Variants in MDC1 observed in about 807,000 individuals in gnomAD.
MDC1 encodes mediator of DNA damage checkpoint 1, also known as mediator of DNA damage checkpoint protein 1.
Under a neutral mutation model 142.5 loss-of-function variants are expected in MDC1, and 81 were observed. The observed-to-expected ratio is 0.57, with a 90% CI of 0.47 to 0.68. The LOEUF is 0.68. MDC1 is among the 30% of genes least tolerant of loss of function. The pLI is 0.00. For synonymous variants in MDC1, 797 were observed against 968.4 expected (o/e 0.82, Z 3.29); for missense variants, 2,119 against 2,547.9 (o/e 0.83, Z 3.62).
In MDC1 at chr6:30,703,366, C is replaced by A. The variant is rs202076195; in HGVS notation, c.5682+52G>T. 6.2e-7 allele frequency: 1 copy of A among 1,613,028 alleles called. No homozygotes were observed. The highest frequency in any genetic ancestry group is 8.5e-7 in the Non-Finnish European group (1 of 1,179,792). On this transcript the variant is annotated intron_variant, in intron 11 of 14. Coordinates refer to ENST00000376406, the MANE Select transcript of MDC1 (RefSeq NM_014641.3). The surrounding 1 kb of genome is among the most constrained non-coding windows in gnomAD (Gnocchi z 4.4). ...CTCTACAATCCTCTAGGTCTCCTTGCATCCTCCCCTCATCTCTGTCTCCCA... is the reference window on the plus strand; with the variant it reads ...CTCTACAATCCTCTAGGTCTCCTTGAATCCTCCCCTCATCTCTGTCTCCCA...
intron 7 of MDC1, 48 bp downstream of exon 7, chr6:30,711,364 A>G (rs1247017254): frequency 6.5e-7 from 1 of 1,527,614 alleles, no homozygotes; most frequent in Non-Finnish European, 9.1e-7. Context: ...GAGGAAAAAA[A>G]AGAGAATGCA....
At chr6:30,706,157 A>C (rs1773772077) in intron 9 of MDC1, 59 bp from the exon 10 acceptor site, 2 of 1,375,990 alleles carry the variant, frequency 1.5e-6, no homozygotes, top group Non-Finnish European at 2.0e-6. Flanking sequence ...TAGAACTTGG[A>C]TACTGTTCTT....
In MDC1 at chr6:30,715,207, C is replaced by T. The variant is rs1417735889; in HGVS notation, c.-3-29G>A. The T allele has an allele frequency of 8.7e-6, 14 of 1,613,304 alleles. No homozygotes were observed. The highest frequency in any genetic ancestry group is 1.1e-5 in the Non-Finnish European group (13 of 1,179,386). ...GGAAGGATACACATTATCAATTATC[C>T]TCATTATTGGTTCACACAAACAGCA... is the stretch of plus-strand genomic sequence containing the variant. On this transcript the variant is annotated intron_variant, in intron 1 of 14. Coordinates refer to ENST00000376406, the MANE Select transcript of MDC1 (RefSeq NM_014641.3). The surrounding 1 kb of genome is among the most constrained non-coding windows in gnomAD (Gnocchi z 4.1).
In MDC1 at chr6:30,715,009, A is replaced by G; in HGVS notation, c.136+31T>C. 3.7e-6 allele frequency: 6 copies of G among 1,611,802 alleles called. No individual in the cohort carries two copies. The highest frequency in any genetic ancestry group is 5.1e-6 in the Non-Finnish European group (6 of 1,178,038). ...CTTACCACAAAAATAAAAGATCTAT[A>G]TCAATACTTGAACATCCAATACCCT... On this transcript the variant is annotated intron_variant, in intron 2 of 14. Coordinates refer to ENST00000376406, the MANE Select transcript of MDC1 (RefSeq NM_014641.3). The surrounding 1 kb of genome is among the most constrained non-coding windows in gnomAD (Gnocchi z 4.1).
chr6:30,711,830 C>A, intron 5 of MDC1, 44 bp downstream of exon 5: 5 of 1,548,808 alleles, frequency 3.2e-6, no homozygotes, highest in Non-Finnish European at 4.4e-6. Flanking sequence ...GCTGTTAGAA[C>A]CCTGGTTGAT....
At chr6:30,707,339 A>G (rs759850568) in intron 9 of MDC1, 45 bp downstream of exon 9, 2 of 1,557,296 alleles carry the variant, frequency 1.3e-6, no homozygotes, top group South Asian at 2.2e-5. Context: ...TGGAGAAGAT[A>G]TAGAGATGAC....
chr6:30,713,873 C>G lies in MDC1; in HGVS notation c.447G>C (p.Glu149Asp). ...GAGTTTCTCCCTGTACTCTGGGTGT[C>G]TCTTCTACTGTCAGAGGGCCCCGGG... Reference protein sequence around the residue: ...FVSRGPLTVEETPRVQGETQP... With the variant: ...FVSRGPLTVEDTPRVQGETQP... The change falls in exon 3 of 15, where the codon GAG (glutamate) becomes GAC (aspartate). Residue 149 changes from glutamate to aspartate, a missense_variant. Glu to Asp is a conservative substitution (Grantham distance 45). Transcript: ENST00000376406. The surrounding 1 kb of genome is among the most constrained non-coding windows in gnomAD (Gnocchi z 4.9). The G allele has an allele frequency of 1.2e-6, 2 of 1,614,104 alleles. No individual in the cohort carries two copies. Among genetic ancestry groups the G allele is most frequent in the Non-Finnish European group, 1.7e-6 (2 of 1,180,034 alleles).
At position 30,716,047 on chromosome 6, in the gene MDC1, G is replaced by A. The variant is rs1775608144; in HGVS notation, c.-3-869C>T. On this transcript the variant is annotated intron_variant, in intron 1 of 14. Transcript: ENST00000376406. This position sits in a 1 kb window ranked among gnomAD's most constrained non-coding sequence, Gnocchi z 4.4. ...TGATCTGAACTTCACATCTTGTAAC[G>A]CCTACCCCTCGCCCGCAAAAGCCTA... is the stretch of plus-strand genomic sequence containing the variant. Among the ~76,000 whole-genome samples, 1 of 151,956 alleles carries A rather than the reference G, an allele frequency of 6.6e-6. No individual in the cohort carries two copies. Among genetic ancestry groups the A allele is most frequent in the African/African-American group, 2.4e-5 (1 of 41,344 alleles).
chr6:30,711,326 G>T, intron 7 of MDC1, 86 bp downstream of exon 7: 3 of 1,223,828 alleles, frequency 2.5e-6, no homozygotes, highest in Non-Finnish European at 3.6e-6. Context: ...AGCCGAGACT[G>T]CACCACTGTA....
rs752227427 is a variant in MDC1, at chr6:30,705,759, T to G, written c.3424A>C (p.Thr1142Pro). 4 of 1,613,114 alleles carry G rather than the reference T, an allele frequency of 2.5e-6. No individual in the cohort carries two copies. Among genetic ancestry groups the G allele is most frequent in the Admixed American group, 1.7e-5 (1 of 59,940 alleles). ...GTCCTGCTCCTAGTGGCCTGAGATG[T>G]GGGCTTGGGAGTGACTGGCTGGGCT... ...STAQPVTPKP[T>P]SQATRSRTNR... is the part of the protein sequence containing the mutation. Residue 1142 changes from threonine (T) to proline (P), a missense_variant, in exon 10 of 15, where the codon ACA becomes CCA. Thr to Pro is a conservative substitution (Grantham distance 38). Transcript: ENST00000376406.
chr6:30,716,226 TC>T lies in MDC1; in HGVS notation c.-4+1018del, dbSNP rs1480425026. On this transcript the variant is annotated intron_variant, in intron 1 of 14. Transcript: ENST00000376406. This position sits in a 1 kb window ranked among gnomAD's most constrained non-coding sequence, Gnocchi z 4.4. The stretch of plus-strand genomic sequence containing the variant: ...GATTCAGTTCAAATGTCACTTTCTT[TC>T]TTTTTTTTTTTTTTGAGATGGAATC... Among the ~76,000 whole-genome samples the T allele has an allele frequency of 1.3e-5, 2 of 149,312 alleles. No individual in the cohort carries two copies. Among genetic ancestry groups the T allele is most frequent in the Non-Finnish European group, 3.0e-5 (2 of 67,640 alleles).
rs1334446513 is a variant in MDC1, at chr6:30,704,577, C to G, written c.4606G>C (p.Glu1536Gln). ...TCTGTGGAGGTGGAAGGCTGGAGCT[C>G]AGGGGCTGCGGGCACAACTGTTTCA... ...TPETVVPAAP[E>Q]LQPSTSTDQP... is the part of the protein sequence containing the mutation. Residue 1536 changes from glutamate (E) to glutamine (Q), a missense_variant, in exon 10 of 15, where the codon GAG becomes CAG. Physicochemically the swap from Glu to Gln is conservative, Grantham distance 29 (BLOSUM62 2). Transcript: ENST00000376406. 6.2e-7 allele frequency: 1 copy of G among 1,605,392 alleles called. No individual in the cohort carries two copies. The highest frequency in any genetic ancestry group is 1.4e-5 in the African/African-American group (1 of 73,398).
Position 30,712,381 on chromosome 6 carries a change from T to G in MDC1, c.1561A>C (p.Ile521Leu). Residue 521 changes from isoleucine (I) to leucine (L), a missense_variant, in exon 5 of 15, where the codon ATC becomes CTC. Coordinates refer to ENST00000376406, the MANE Select transcript of MDC1 (RefSeq NM_014641.3). This position sits in a 1 kb window ranked among gnomAD's most constrained non-coding sequence, Gnocchi z 4.7. The part of the protein sequence containing the change: ...ERSQASTTVD[I>L]NTQVEKEVPP... ...ACTTCCTTCTCCACTTGTGTGTTGA[T>G]GTCCACTGTGGTGGAGGCTTGGCTT... is the stretch of plus-strand genomic sequence containing the variant. 6.2e-7 allele frequency: 1 copy of G among 1,613,148 alleles called. No individual in the cohort carries two copies. Among genetic ancestry groups the G allele is most frequent in the Non-Finnish European group, 8.5e-7 (1 of 1,180,048 alleles).
Position 30,706,021 on chromosome 6 carries a change from G to A in MDC1, c.3162C>T (p.Asn1054=). Residue 1054 remains asparagine, a synonymous_variant, in exon 10 of 15, where the codon AAC becomes AAT. Coordinates refer to ENST00000376406, the MANE Select transcript of MDC1 (RefSeq NM_014641.3). ...EAPAPPQKPL[N]SQSQKHLAPP... ...GTGCAAGATGTTTCTGGCTCTGAGA[G>A]TTAAGGGGCTTTTGGGGTGGGGCTG... 6.2e-7 allele frequency: 1 copy of A among 1,605,254 alleles called. No individual in the cohort carries two copies. The highest frequency in any genetic ancestry group is 1.1e-5 in the South Asian group (1 of 91,066).
chr6:30,702,613 C>T lies in MDC1; in HGVS notation c.6042G>A (p.Met2014Ile), dbSNP rs1273339016. ...CTCCACAGCAGCTAATAATCTCTCC[C>T]ATCTGAGGTGGTGGTGGCTGGACTC... ...TPGVQPPPPQMGEIISCCGGT... is the reference protein window; with the variant it reads ...TPGVQPPPPQIGEIISCCGGT... Residue 2014 changes from methionine to isoleucine, a missense_variant, in exon 14 of 15, where the codon ATG (methionine) becomes ATA (isoleucine). Coordinates refer to ENST00000376406, the MANE Select transcript of MDC1 (RefSeq NM_014641.3). The T allele has an allele frequency of 1.9e-6, 3 of 1,611,536 alleles. No homozygotes were observed. Among genetic ancestry groups the T allele is most frequent in the Admixed American group, 3.3e-5 (2 of 59,874 alleles).
chr6:30,703,226 T>G lies in MDC1; in HGVS notation c.5743A>C (p.Ser1915Arg), dbSNP rs141546796. ...GERAVLALGG[S>R]LAGSAAEASH... ...GCCTCTGCCGCTGAACCAGCCAGACTTCCCCCCAGTGCCAGCACAGCCCGC... is the reference window on the plus strand; with the variant it reads ...GCCTCTGCCGCTGAACCAGCCAGACGTCCCCCCAGTGCCAGCACAGCCCGC... The change falls in exon 12 of 15, where the codon AGT becomes CGT. Residue 1915 changes from serine to arginine, a missense_variant. By Grantham distance (110) the Ser-to-Arg change is moderately radical. Transcript: ENST00000376406. The surrounding 1 kb of genome is among the most constrained non-coding windows in gnomAD (Gnocchi z 4.4). 34 of 1,612,976 alleles carry G rather than the reference T, an allele frequency of 2.1e-5. No individual in the cohort carries two copies. Among genetic ancestry groups the G allele is most frequent in the Admixed American group, 6.7e-5 (4 of 60,002 alleles).
Position 30,707,450 on chromosome 6 carries a change from G to A in MDC1, c.3018C>T (p.Leu1006=), listed in dbSNP as rs1300035642. Residue 1006 remains leucine, a synonymous_variant, in exon 9 of 15, where the codon CTC becomes CTT. Coordinates refer to ENST00000376406, the MANE Select transcript of MDC1 (RefSeq NM_014641.3). ...CAGCAGGTGGCATCTTGCAATTCAG[G>A]AGGCCTAGACAGAAAGTAAACACAA... ...PVSPRRHQKG[L]LNCKMPPAEK... 2 of 1,612,980 alleles carry A rather than the reference G, an allele frequency of 1.2e-6. No individual in the cohort carries two copies. The highest frequency in any genetic ancestry group is 1.7e-6 in the Non-Finnish European group (2 of 1,180,034).
Position 30,715,185 on chromosome 6 carries a change from A to C in MDC1, c.-3-7T>G. ...CCTGGGTGTCCTCCATGATCTGGGA[A>C]GGATACACATTATCAATTATCCTCA... On this transcript the variant is annotated splice_polypyrimidine_tract_variant and splice_region_variant and intron_variant, in intron 1 of 14. Coordinates refer to ENST00000376406, the MANE Select transcript of MDC1 (RefSeq NM_014641.3). The surrounding 1 kb of genome is among the most constrained non-coding windows in gnomAD (Gnocchi z 4.1). 6.2e-7 allele frequency: 1 copy of C among 1,614,142 alleles called. No individual in the cohort carries two copies. The highest frequency in any genetic ancestry group is 8.5e-7 in the Non-Finnish European group (1 of 1,180,018).
In MDC1 at chr6:30,704,052, A is replaced by T. The variant is rs1302419708; in HGVS notation, c.5131T>A (p.Ser1711Thr). ...QSPVTTDQPI[S>T]PEPITQPSCI... Reference sequence around the variant, plus strand: ...CTGGGTTGAGTAATAGGCTCAGGGGAAATAGGCTGGTCTGTGGTGACAGGA... The same window carrying T: ...CTGGGTTGAGTAATAGGCTCAGGGGTAATAGGCTGGTCTGTGGTGACAGGA... The change falls in exon 10 of 15, where the codon TCC becomes ACC. Residue 1711 changes from serine (S) to threonine (T), a missense_variant. Transcript: ENST00000376406. 3.7e-6 allele frequency: 6 copies of T among 1,613,522 alleles called. No homozygotes were observed. The highest frequency in any genetic ancestry group is 5.1e-6 in the Non-Finnish European group (6 of 1,179,880).
Sources: allele counts gnomAD v4.1 joint callset (sites outside exome capture counted in the v4.1 genomes callset), GRCh38; gene constraint gnomAD v4.1.1; non-coding constraint Gnocchi (gnomAD v3.1); transcripts MANE v1.5; gene names NCBI Gene and HGNC (gene_info 2026-07-23, HGNC 2026-07-21).